Variants in CCDC18 observed in about 807,000 individuals in gnomAD.
The protein encoded by CCDC18 is coiled-coil domain containing 18.
CCDC18 carries 157 observed loss-of-function variants against 196.0 expected under a neutral mutation model. The ratio of observed to expected loss-of-function variants is 0.80; its 90% confidence interval spans 0.70 to 0.91. The LOEUF (loss-of-function observed/expected upper bound fraction) is 0.91. Among genes scored for constraint, CCDC18 ranks in the 40% least tolerant of loss-of-function variants. The pLI, the probability that CCDC18 is intolerant of heterozygous loss-of-function variation, is 0.00. For missense variants in CCDC18, 1,465 were observed against 1,611.6 expected (o/e 0.91, Z 1.56); for synonymous variants, 482 against 529.2 (o/e 0.91, Z 1.22).
chr1:93,241,547 C>A (rs957769280), intron 21 of CCDC18, among the ~76,000 whole-genome samples: 2 of 151,664 alleles, frequency 1.3e-5, no homozygotes, highest in African/African-American at 4.8e-5. Flanking sequence ...TATGGTGAAA[C>A]CCCATCTCTA....
chr1:93,250,257 T>G (rs1413092117), intron 23 of CCDC18, among the ~76,000 whole-genome samples: 1 of 151,710 alleles, frequency 6.6e-6, no homozygotes, highest in Admixed American at 6.6e-5. Flanking sequence ...GATGAGCACT[T>G]GTACTCCCAG....
intron 6 of CCDC18, among the ~76,000 whole-genome samples, chr1:93,198,822 AT>A (rs1327657774): frequency 6.6e-6 from 1 of 151,688 alleles, no homozygotes; most frequent in Non-Finnish European, 1.5e-5. Context: ...TAATTTTTAA[AT>A]TTTTTTTACA....
At chr1:93,271,004 G>A (rs970415760) in intron 28 of CCDC18, 190 bp downstream of exon 28, 8 of 983,426 alleles carry the variant, frequency 8.1e-6, no homozygotes, top group African/African-American at 1.8e-5. Context: ...GAGACAATAC[G>A]GGGAAAGAGA....
At chr1:93,208,959 C>T (rs563070137) in intron 9 of CCDC18, among the ~76,000 whole-genome samples, 4 of 151,304 alleles carry the variant, frequency 2.6e-5, no homozygotes, top group South Asian at 2.1e-4. Flanking sequence ...CCACCATGCC[C>T]GGCCTTTTAT....
At chr1:93,249,119 T>A (rs1371945914) in intron 23 of CCDC18, among the ~76,000 whole-genome samples, 1 of 152,192 alleles carries the variant, frequency 6.6e-6, no homozygotes, top group African/African-American at 2.4e-5. Context: ...TGGGCGACTT[T>A]TTATTACTGC....
intron 23 of CCDC18, among the ~76,000 whole-genome samples, chr1:93,252,019 G>GTCTA (rs55887771): frequency 0.28 from 42,584 of 150,252 alleles, 9,093 homozygotes; most frequent in African/African-American, 0.6. Context: ...CTATCTGTCT[G>GTCTA]TCTATCTATC....
At chr1:93,241,943 A>C (rs1290144994) in intron 21 of CCDC18, among the ~76,000 whole-genome samples, 1 of 152,146 alleles carries the variant, frequency 6.6e-6, no homozygotes, top group Non-Finnish European at 1.5e-5. Context: ...ACCCTCATTC[A>C]TTGCTGGAGG....
rs1300973165 is a variant in CCDC18 at position 93,270,815 on chromosome 1, G to T, written c.4353+1G>T. On this transcript the variant is annotated splice_donor_variant, in intron 28 of 28. Transcript: ENST00000690025. LOFTEE classifies it high-confidence loss of function. ...GCAAACAGGTGCTGGTTTAAATCAG[G>T]TATGTATTTTATACACTGTAAACTG... is the stretch of plus-strand genomic sequence containing the variant. 21 of 1,516,550 alleles carry T rather than the reference G, an allele frequency of 1.4e-5. No individual in the cohort carries two copies. The highest frequency in any genetic ancestry group is 1.4e-5 in the Non-Finnish European group (16 of 1,131,246). The allele number at this position is 1,516,550 out of a possible 1,614,324, so 93.9% of individuals were successfully genotyped here.
At chr1:93,270,304 C>G in intron 27 of CCDC18, 43 bp from the exon 28 acceptor site, 1 of 1,167,798 alleles carries the variant, frequency 8.6e-7, no homozygotes, top group South Asian at 1.6e-5. Context: ...ATTCATTTAA[C>G]AAAAATGTAT....
intron 9 of CCDC18, among the ~76,000 whole-genome samples, chr1:93,208,647 T>C (rs763409659): frequency 7.9e-5 from 12 of 151,428 alleles, no homozygotes; most frequent in Middle Eastern, 3.4e-3. Context: ...CATGTACTTA[T>C]TAGAATGGCA....
intron 26 of CCDC18, among the ~76,000 whole-genome samples, chr1:93,263,505 TG>T (rs1408214940): frequency 6.6e-6 from 1 of 152,180 alleles, no homozygotes; most frequent in Admixed American, 6.5e-5. Context: ...CACAGATCTC[TG>T]GGGTGGGGGC....
chr1:93,263,584 A>G (rs1365121443), intron 26 of CCDC18, among the ~76,000 whole-genome samples: 1 of 152,172 alleles, frequency 6.6e-6, no homozygotes, highest in Non-Finnish European at 1.5e-5. Flanking sequence ...TCTCATCTCC[A>G]TCTGAGACCA....
In CCDC18 at chr1:93,211,019, G is replaced by A. The variant is rs1266368627; in HGVS notation, c.1334+93G>A. 2.0e-5 allele frequency: 28 copies of A among 1,371,294 alleles called. 1 individual carries two copies. Among genetic ancestry groups the A allele is most frequent in the South Asian group, 3.7e-5 (3 of 81,972 alleles). The allele number at this position is 1,371,294 out of a possible 1,614,324, so 84.9% of individuals were successfully genotyped here. A position where few individuals can be genotyped will look rare whatever the true frequency, so the allele number is the denominator to read the frequency against. On this transcript the variant is annotated intron_variant, in intron 10 of 28. Coordinates refer to ENST00000690025, the MANE Select transcript of CCDC18 (RefSeq NM_001378204.1). ...TGGCCGGGCATGGTGGCTCATGCCTGTAATCCCAACACTTTGGGAGGCTGA... is the reference window on the plus strand; with the variant it reads ...TGGCCGGGCATGGTGGCTCATGCCTATAATCCCAACACTTTGGGAGGCTGA...
chr1:93,269,750 G>A (rs1473210516), intron 27 of CCDC18: 10 of 151,892 alleles, frequency 6.6e-5, no homozygotes. Flanking sequence ...AGTGTATGTA[G>A]TCTCATTCCT....
chr1:93,227,971 A>AAAAAT (rs57726461), intron 17 of CCDC18, among the ~76,000 whole-genome samples: 4,485 of 125,176 alleles, frequency 0.036, 120 homozygotes, highest in South Asian at 0.075. Flanking sequence ...AAAAAAAAAA[A>AAAAAT]ATATATATAT....
At chr1:93,218,022 C>T (rs139707607) in intron 14 of CCDC18, among the ~76,000 whole-genome samples, 153 bp downstream of exon 14, 2 of 152,274 alleles carry the variant, frequency 1.3e-5, no homozygotes, top group African/African-American at 4.8e-5. Context: ...AATAATTTTT[C>T]AGTGCTTTAA....
intron 8 of CCDC18, among the ~76,000 whole-genome samples, chr1:93,206,540 A>G (rs768868901): frequency 1.3e-5 from 2 of 152,138 alleles, no homozygotes. Flanking sequence ...TTAAAACTTC[A>G]CATTTGGAGT....
chr1:93,263,743 A>G (rs138279613), intron 26 of CCDC18, among the ~76,000 whole-genome samples: 179 of 152,246 alleles, frequency 1.2e-3, no homozygotes, highest in African/African-American at 4.2e-3. Context: ...CCCAGTTCCA[A>G]AGTCACTTCC....
chr1:93,246,491 C>T lies in CCDC18; in HGVS notation c.3081+287C>T, dbSNP rs751945637. 1.3e-4 allele frequency among the ~76,000 whole-genome samples: 20 copies of T among 152,054 alleles called. 1 individual carries two copies. Among genetic ancestry groups the T allele is most frequent in the Middle Eastern group, 3.4e-3 (1 of 294 alleles). On this transcript the variant is annotated intron_variant, in intron 22 of 28. Transcript: ENST00000690025. ...TGGAGGAACAAAAATATTTGGAAGG[C>T]GTTATTTAGCACTTTTTGTCCAGCA...
Sources: gnomAD v4.1 joint callset for allele counts (sites outside exome capture counted in the v4.1 genomes callset) on GRCh38, gnomAD v4.1.1 for gene constraint, MANE v1.5 for transcripts, NCBI Gene and HGNC (gene_info 2026-07-23, HGNC 2026-07-21) for gene names.